ACADL: variants seen among roughly 807,000 people sequenced by gnomAD.
ACADL encodes acyl-CoA dehydrogenase long chain, also known as long-chain specific acyl-CoA dehydrogenase, mitochondrial.
A neutral mutation model predicts 56.9 loss-of-function variants in ACADL; 60 were observed. The ratio of observed to expected loss-of-function variants is 1.05; its 90% confidence interval spans 0.86 to 1.31. The LOEUF is 1.31. ACADL is among the 50% of genes most tolerant of loss of function. The pLI is 0.00. For synonymous variants in ACADL, 158 were observed against 179.7 expected (o/e 0.88, Z 0.97); for missense variants, 484 against 525.5 (o/e 0.92, Z 0.77).
chr2:210,197,028 G>C (rs1171265090), intron 8 of ACADL, among the ~76,000 whole-genome samples: 1 of 152,092 alleles, frequency 6.6e-6, no homozygotes, highest in Non-Finnish European at 1.5e-5. Context: ...GGACAGTTTT[G>C]ATACTTACCA....
chr2:210,188,890 A>G lies in ACADL; in HGVS notation c.*71T>C, dbSNP rs1046042054. 3 of 1,096,292 alleles carry G rather than the reference A, an allele frequency of 2.7e-6. No individual in the cohort carries two copies. The highest frequency in any genetic ancestry group is 1.2e-5 in the South Asian group (1 of 80,512). The allele number at this position is 1,096,292 out of a possible 1,614,324, so 67.9% of individuals were successfully genotyped here. A position where few individuals can be genotyped will look rare whatever the true frequency, so the allele number is the denominator to read the frequency against. On this transcript the variant is annotated 3_prime_UTR_variant, in exon 11 of 11. Transcript: ENST00000233710. ...ATGTTTAGTGTTTCCTCGCTTTCCA[A>G]GTTACATTTTATCTTGAGCAGATTT... is the stretch of plus-strand genomic sequence containing the variant.
intron 1 of ACADL, among the ~76,000 whole-genome samples, chr2:210,221,810 C>T (rs1318840193): frequency 6.6e-6 from 1 of 150,884 alleles, no homozygotes; most frequent in African/African-American, 2.4e-5. Context: ...CTCACTGCAA[C>T]CTTCGCCTTC....
intron 4 of ACADL, among the ~76,000 whole-genome samples, chr2:210,211,032 A>G (rs1445471682): frequency 6.6e-6 from 1 of 152,200 alleles, no homozygotes; most frequent in African/African-American, 2.4e-5. Flanking sequence ...AATATAAGAG[A>G]AACAAATATT....
chr2:210,191,143 C>T (rs566265220), intron 10 of ACADL, among the ~76,000 whole-genome samples: 1 of 152,170 alleles, frequency 6.6e-6, no homozygotes, highest in East Asian at 1.9e-4. Flanking sequence ...GAACTCTTGA[C>T]CTCAGGTGAT....
chr2:210,214,755 A>G (rs866008123), intron 4 of ACADL, among the ~76,000 whole-genome samples: 1 of 152,226 alleles, frequency 6.6e-6, no homozygotes, highest in Non-Finnish European at 1.5e-5. Flanking sequence ...ATACAACTCA[A>G]TCTGAATATT....
rs546630522 is a variant in ACADL at position 210,220,794 on chromosome 2, T to C, written c.86A>G (p.His29Arg). 6.4e-5 allele frequency: 102 copies of C among 1,601,770 alleles called. No individual in the cohort carries two copies. The East Asian group carries it at 2.2e-3, about 34-fold the overall frequency. ...PRQLPAARCS[H>R]SGGEERLETP... ...TTCTAGACGTTCTTCCCCTCCGGAA[T>C]GAGAACATCTTAAAAATATATATAT... The change falls in exon 2 of 11, where the codon CAT becomes CGT. Residue 29 changes from histidine (H) to arginine (R), a missense_variant. Coordinates refer to ENST00000233710, the MANE Select transcript of ACADL (RefSeq NM_001608.4).
intron 5 of ACADL, among the ~76,000 whole-genome samples, chr2:210,209,126 T>C (rs988244810): frequency 1.3e-5 from 2 of 152,246 alleles, no homozygotes; most frequent in African/African-American, 4.8e-5. Flanking sequence ...TTTAAACAAA[T>C]ATTTATTAAA....
chr2:210,191,594 A>G (rs1197954757), intron 10 of ACADL, among the ~76,000 whole-genome samples: 1 of 152,206 alleles, frequency 6.6e-6, no homozygotes, highest in Non-Finnish European at 1.5e-5. Flanking sequence ...TTTTCTAAGG[A>G]CTATAAGCAT....
At position 210,192,890 on chromosome 2, in the gene ACADL, C is replaced by T; in HGVS notation, c.1113G>A (p.Trp371Ter). ...CTACACTATTTTGTAACTCAGATGCCCTAAATGACCAAAATAAAAGGCAGA... is the reference window on the plus strand; with the variant it reads ...CTACACTATTTTGTAACTCAGATGCTCTAAATGACCAAAATAAAAGGCAGA... The part of the protein sequence containing the change: ...DSATACMAKY[W>*]ASELQNSVAY... The change falls in exon 10 of 11, where the codon TGG (tryptophan) becomes TGA (stop). Residue 371 changes from tryptophan to a stop codon, truncating the protein, a stop_gained and splice_region_variant. Coordinates refer to ENST00000233710, the MANE Select transcript of ACADL (RefSeq NM_001608.4). LOFTEE classifies it high-confidence loss of function. The T allele has an allele frequency of 6.2e-7, 1 of 1,612,348 alleles. No homozygotes were observed. Among genetic ancestry groups the T allele is most frequent in the Non-Finnish European group, 8.5e-7 (1 of 1,178,682 alleles).
At chr2:210,223,892 G>A (rs188869257) in intron 1 of ACADL, among the ~76,000 whole-genome samples, 242 of 152,180 alleles carry the variant, frequency 1.6e-3, no homozygotes, top group Middle Eastern at 0.014. Flanking sequence ...AACGACAGAC[G>A]GATAGATATA....
intron 10 of ACADL, among the ~76,000 whole-genome samples, chr2:210,190,582 C>A (rs1688615203): frequency 6.6e-6 from 1 of 152,180 alleles, no homozygotes; most frequent in Middle Eastern, 3.2e-3. Flanking sequence ...TAAGGCAGCT[C>A]TTCCCAGCAT....
rs1688574986 is a variant in ACADL at position 210,188,058 on chromosome 2, TTTAC to T, written c.*899_*902del. 3 of 152,234 alleles carry T rather than the reference TTTAC, an allele frequency of 2.0e-5. No individual in the cohort carries two copies. The highest frequency in any genetic ancestry group is 1.3e-4 in the Admixed American group (2 of 15,280). 9.4% of individuals were successfully genotyped at this position (152,234 alleles called of 1,614,324 possible). A position where few individuals can be genotyped will look rare whatever the true frequency, so the allele number is the denominator to read the frequency against. On this transcript the variant is annotated 3_prime_UTR_variant, in exon 11 of 11. Coordinates refer to ENST00000233710, the MANE Select transcript of ACADL (RefSeq NM_001608.4). ...TGCTTGAAATTATCTCTTTTACATA[TTTAC>T]TTCTTACCTTATTTTACTACTTATT...
intron 5 of ACADL, 100 bp downstream of exon 5, chr2:210,210,096 G>A (rs1346630480): frequency 1.1e-6 from 1 of 904,954 alleles, no homozygotes; most frequent in Non-Finnish European, 1.8e-6. Flanking sequence ...ATTCCTGCCT[G>A]AGTCCCTAGA....
At chr2:210,222,497 A>ACT (rs1575683573) in intron 1 of ACADL, among the ~76,000 whole-genome samples, 1 of 148,570 alleles carries the variant, frequency 6.7e-6, no homozygotes, top group East Asian at 2.0e-4. Flanking sequence ...CACTAAAAAC[A>ACT]AACAAACAAA....
intron 8 of ACADL, among the ~76,000 whole-genome samples, chr2:210,201,358 AC>A (rs779549409): frequency 6.6e-6 from 1 of 152,172 alleles, no homozygotes; most frequent in East Asian, 1.9e-4. Context: ...CATAATCCTC[AC>A]AACAACGCTA....
intron 6 of ACADL, among the ~76,000 whole-genome samples, chr2:210,204,982 T>C (rs1243454495): frequency 6.6e-6 from 1 of 152,130 alleles, no homozygotes; most frequent in African/African-American, 2.4e-5. Context: ...AAACATGCAT[T>C]TTTGGTAATG....
chr2:210,216,281 C>A (rs1030382394), intron 4 of ACADL, 66 bp downstream of exon 4: 17 of 1,564,738 alleles, frequency 1.1e-5, no homozygotes, highest in Middle Eastern at 3.3e-4. Context: ...TATGTATTAA[C>A]CAAGTACTAA....
intron 8 of ACADL, among the ~76,000 whole-genome samples, chr2:210,200,952 T>A (rs762057991): frequency 6.6e-6 from 1 of 152,202 alleles, no homozygotes; most frequent in Non-Finnish European, 1.5e-5. Flanking sequence ...ATCTAATTGA[T>A]AGAGACAGGA....
Position 210,224,753 on chromosome 2 carries a change from G to A in ACADL, c.77+434C>T, listed in dbSNP as rs1689238168. 11 of 990,116 alleles carry A rather than the reference G, an allele frequency of 1.1e-5. No individual in the cohort carries two copies. In the South Asian group the frequency reaches 3.7e-4, roughly 34 times the overall value. 61.3% of individuals were successfully genotyped at this position (990,116 alleles called of 1,614,324 possible). Reference sequence around the variant, plus strand: ...CACTACCGCGCGGCGAGTCTAAGCCGTGGGGAACGCCGGGTTCACAGCTCG... The same window carrying A: ...CACTACCGCGCGGCGAGTCTAAGCCATGGGGAACGCCGGGTTCACAGCTCG... On this transcript the variant is annotated intron_variant, in intron 1 of 10. Coordinates refer to ENST00000233710, the MANE Select transcript of ACADL (RefSeq NM_001608.4).
Sources: gnomAD v4.1 joint callset for allele counts (sites outside exome capture counted in the v4.1 genomes callset) on GRCh38, gnomAD v4.1.1 for gene constraint, MANE v1.5 for transcripts, NCBI Gene and HGNC (gene_info 2026-07-23, HGNC 2026-07-21) for gene names.